CLPP: variants seen among roughly 807,000 people sequenced by gnomAD.
CLPP encodes the protein caseinolytic mitochondrial matrix peptidase proteolytic subunit.
A neutral mutation model predicts 27.4 loss-of-function variants in CLPP; 14 were observed. The ratio of observed to expected loss-of-function variants is 0.51; its 90% CI spans 0.34 to 0.80. CLPP has a LOEUF of 0.80. Among genes scored for constraint, CLPP ranks in the 30% least tolerant of loss-of-function variants. CLPP has a pLI of 0.02. For missense variants in CLPP, 361 were observed against 403.6 expected (o/e 0.89, Z 0.90); for synonymous variants, 193 against 166.6 (o/e 1.16, Z -1.22).
Position 6,366,275 on chromosome 19 carries a change from T to C in CLPP, c.573T>C (p.Ile191=), listed in dbSNP as rs2091862012. The C allele has an allele frequency of 7.4e-6, 12 of 1,611,828 alleles. No homozygotes were observed. The highest frequency in any genetic ancestry group is 1.7e-4 in the Middle Eastern group (1 of 6,058). ...SGGARGQATD[I]AIQAEEIMKL... ...TCCCTCAGGGCCAAGCCACAGACAT[T>C]GCCATCCAGGCAGAGGAGATCATGA... is the stretch of plus-strand genomic sequence containing the variant. Residue 191 remains isoleucine (I), a synonymous_variant, in exon 5 of 6, where the codon ATT becomes ATC. Coordinates refer to ENST00000245816, the MANE Select transcript of CLPP (RefSeq NM_006012.4).
At chr19:6,362,642 A>G (rs1240828494) in intron 3 of CLPP, 100 bp downstream of exon 3, 4 of 847,304 alleles carry the variant, frequency 4.7e-6, no homozygotes, top group Non-Finnish European at 7.9e-6. Context: ...TCTCTGGGAA[A>G]GGGTGCAGAG....
intron 5 of CLPP, among the ~76,000 whole-genome samples, chr19:6,367,597 C>A (rs188969341): frequency 6.6e-6 from 1 of 151,930 alleles, no homozygotes; most frequent in Non-Finnish European, 1.5e-5. Flanking sequence ...TTCAGGGGTG[C>A]TGGCATTATT....
In CLPP at chr19:6,361,607, G is replaced by A; in HGVS notation, c.33G>A (p.Arg11=). Residue 11 remains arginine (R), a synonymous_variant, in exon 1 of 6, where the codon CGG becomes CGA. Coordinates refer to ENST00000245816, the MANE Select transcript of CLPP (RefSeq NM_006012.4). ...CCGGAATATTGGTAGGGGGGGCCCG[G>A]GTGGCGTCATGCAGGTACCCCGCGC... MWPGILVGGA[R]VASCRYPALG... The A allele has an allele frequency of 2.1e-6, 3 of 1,414,614 alleles. No individual in the cohort carries two copies. Among genetic ancestry groups the A allele is most frequent in the Non-Finnish European group, 2.8e-6 (3 of 1,083,446 alleles). The allele number at this position is 1,414,614 out of a possible 1,614,324, so 87.6% of individuals were successfully genotyped here.
Position 6,364,504 on chromosome 19 carries a change from C to A in CLPP, c.420C>A (p.Leu140=). ...LAIYDTMQYI[L]NPICTWCVGQ... ...TCTACGACACGATGCAGTACATCCT[C>A]AACCCGATCTGCACCTGGTGCGTGG... Residue 140 remains leucine, a synonymous_variant, in exon 4 of 6, where the codon CTC becomes CTA. Coordinates refer to ENST00000245816, the MANE Select transcript of CLPP (RefSeq NM_006012.4). The A allele has an allele frequency of 6.2e-7, 1 of 1,611,956 alleles. No homozygotes were observed. Among genetic ancestry groups the A allele is most frequent in the Non-Finnish European group, 8.5e-7 (1 of 1,179,634 alleles).
At chr19:6,366,060 C>G (rs1210509237) in intron 4 of CLPP, among the ~76,000 whole-genome samples, 198 bp from the exon 5 acceptor site, 3 of 152,120 alleles carry the variant, frequency 2.0e-5, no homozygotes, top group Non-Finnish European at 4.4e-5. Context: ...ATAACATATA[C>G]TTAATCCAGT....
At chr19:6,362,066 C>G in intron 2 of CLPP, 126 bp downstream of exon 2, 2 of 844,616 alleles carry the variant, frequency 2.4e-6, no homozygotes, top group Non-Finnish European at 3.7e-6. Context: ...CCCCTTCCCT[C>G]CCCTTCTGAC....
rs2091837683 is a variant in CLPP at position 6,362,069 on chromosome 19, C to T, written c.270+129C>T. ...TCCCCTTCTAACCCCCTTCCCTCCC[C>T]TTCTGACTCCCCTCCTGGCTCCCGG... is the stretch of plus-strand genomic sequence containing the variant. On this transcript the variant is annotated intron_variant, in intron 2 of 5. Transcript: ENST00000245816. The T allele has an allele frequency of 2.0e-5, 17 of 832,142 alleles. No homozygotes were observed. In the South Asian group the frequency reaches 2.6e-4, roughly 13 times the overall value. The allele number at this position is 832,142 out of a possible 1,614,324, so 51.5% of individuals were successfully genotyped here. A position where few individuals can be genotyped will look rare whatever the true frequency, so the allele number is the denominator to read the frequency against.
Position 6,361,603 on chromosome 19 carries a change from C to T in CLPP, c.29C>T (p.Ala10Val). Residue 10 changes from alanine (A) to valine (V), a missense_variant, in exon 1 of 6, where the codon GCC becomes GTC. Ala to Val is a moderately conservative substitution (Grantham distance 64). Transcript: ENST00000245816. MWPGILVGG[A>V]RVASCRYPAL... ...TGGCCCGGAATATTGGTAGGGGGGGCCCGGGTGGCGTCATGCAGGTACCCC... is the reference window on the plus strand; with the variant it reads ...TGGCCCGGAATATTGGTAGGGGGGGTCCGGGTGGCGTCATGCAGGTACCCC... 7.1e-7 allele frequency: 1 copy of T among 1,411,700 alleles called. No homozygotes were observed. The highest frequency in any genetic ancestry group is 9.2e-7 in the Non-Finnish European group (1 of 1,081,644). 87.4% of individuals were successfully genotyped at this position (1,411,700 alleles called of 1,614,324 possible).
rs1452632219 is a variant in CLPP at position 6,366,317 on chromosome 19, CTA to C, written c.618_619del (p.Tyr206Ter). The stretch of plus-strand genomic sequence containing the variant: ...AGATCATGAAGCTCAAGAAGCAGCT[CTA>C]TAACATCTACGCCAAGCACACCAAA... ...EEIMKLKKQL[Y>X]NIYAKHTKQS... On this transcript the variant is annotated frameshift_variant, in exon 5 of 6. Transcript: ENST00000245816. LOFTEE classifies it high-confidence loss of function. 1 of 1,612,664 alleles carries C rather than the reference CTA, an allele frequency of 6.2e-7. No individual in the cohort carries two copies. Among genetic ancestry groups the C allele is most frequent in the Non-Finnish European group, 8.5e-7 (1 of 1,179,398 alleles).
At chr19:6,366,169 G>A in intron 4 of CLPP, 89 bp from the exon 5 acceptor site, 1 of 803,156 alleles carries the variant, frequency 1.2e-6, no homozygotes, top group Non-Finnish European at 2.1e-6. Context: ...AAAGCCCAGG[G>A]AAGCTCCTGA....
chr19:6,368,635 G>A lies in CLPP; in HGVS notation c.759G>A (p.Glu253=). ...KVLVHPPQDG[E]DEPTLVQKEP... Reference sequence around the variant, plus strand: ...TGGTCCACCCTCCCCAGGACGGTGAGGATGAGCCCACGCTGGTGCAGAAGG... The same window carrying A: ...TGGTCCACCCTCCCCAGGACGGTGAAGATGAGCCCACGCTGGTGCAGAAGG... The change falls in exon 6 of 6, where the codon GAG becomes GAA. Residue 253 remains glutamate (E), a synonymous_variant. Coordinates refer to ENST00000245816, the MANE Select transcript of CLPP (RefSeq NM_006012.4). 6.2e-7 allele frequency: 1 copy of A among 1,610,088 alleles called. No homozygotes were observed. Among genetic ancestry groups the A allele is most frequent in the South Asian group, 1.1e-5 (1 of 90,326 alleles).
chr19:6,364,179 C>T (rs983532719), intron 3 of CLPP, among the ~76,000 whole-genome samples: 4 of 151,624 alleles, frequency 2.6e-5, no homozygotes, highest in African/African-American at 7.3e-5. Context: ...TACAGGCACC[C>T]GCCACCACGC....
At chr19:6,362,253 C>G (rs1040176694) in intron 2 of CLPP, 193 bp from the exon 3 acceptor site, 15 of 604,656 alleles carry the variant, frequency 2.5e-5, no homozygotes, top group Admixed American at 2.3e-4. Context: ...TGACTCCCCC[C>G]TTCCTGTGCT....
chr19:6,368,839 C>T lies in CLPP; in HGVS notation c.*129C>T, dbSNP rs942671344. On this transcript the variant is annotated 3_prime_UTR_variant, in exon 6 of 6. Coordinates refer to ENST00000245816, the MANE Select transcript of CLPP (RefSeq NM_006012.4). Reference sequence around the variant, plus strand: ...GAGGAACTTTTAATTTGCAGGGGTGCCCGCTATGGACGGGGCATTCCAGCT... The same window carrying T: ...GAGGAACTTTTAATTTGCAGGGGTGTCCGCTATGGACGGGGCATTCCAGCT... 2.6e-6 allele frequency: 2 copies of T among 766,832 alleles called. No individual in the cohort carries two copies. The highest frequency in any genetic ancestry group is 4.1e-6 in the Non-Finnish European group (2 of 486,534). The allele number at this position is 766,832 out of a possible 1,614,324, so 47.5% of individuals were successfully genotyped here. A position where few individuals can be genotyped will look rare whatever the true frequency, so the allele number is the denominator to read the frequency against.
At position 6,368,902 on chromosome 19, in the gene CLPP, T is replaced by C; in HGVS notation, c.*192T>C. On this transcript the variant is annotated 3_prime_UTR_variant, in exon 6 of 6. Coordinates refer to ENST00000245816, the MANE Select transcript of CLPP (RefSeq NM_006012.4). ...TTTTAAATTAAATCTTTGTGGTCTTTGCTCTGCGTCTGGGACACCCTCCCT... is the reference window on the plus strand; with the variant it reads ...TTTTAAATTAAATCTTTGTGGTCTTCGCTCTGCGTCTGGGACACCCTCCCT... The C allele has an allele frequency of 1.7e-6, 1 of 601,154 alleles. No individual in the cohort carries two copies. The highest frequency in any genetic ancestry group is 2.9e-6 in the Non-Finnish European group (1 of 340,940). 37.2% of individuals were successfully genotyped at this position (601,154 alleles called of 1,614,324 possible). A position where few individuals can be genotyped will look rare whatever the true frequency, so the allele number is the denominator to read the frequency against.
rs538660042 is a variant in CLPP, at chr19:6,369,641, G to A, written c.*931G>A. Reference sequence around the variant, plus strand: ...CATGTGAGGACCTATGAGGAGGCCCGTGGCTGAGGGAAGGTGGAAGAGAGG... The same window carrying A: ...CATGTGAGGACCTATGAGGAGGCCCATGGCTGAGGGAAGGTGGAAGAGAGG... On this transcript the variant is annotated 3_prime_UTR_variant, in exon 6 of 6. Coordinates refer to ENST00000245816, the MANE Select transcript of CLPP (RefSeq NM_006012.4). Among the ~76,000 whole-genome samples the A allele has an allele frequency of 2.6e-5, 4 of 152,170 alleles. No homozygotes were observed. The highest frequency in any genetic ancestry group is 2.1e-4 in the South Asian group (1 of 4,822).
chr19:6,362,332 C>T (rs1215408994), intron 2 of CLPP, 114 bp from the exon 3 acceptor site: 4 of 722,370 alleles, frequency 5.5e-6, no homozygotes, highest in Admixed American at 4.3e-5. Flanking sequence ...CTTCCCCATC[C>T]CTTTTACTTT....
chr19:6,366,418 C>G, intron 5 of CLPP, 55 bp downstream of exon 5: 2 of 1,396,218 alleles, frequency 1.4e-6, no homozygotes, highest in Non-Finnish European at 2.0e-6. Context: ...CCAGGCGTTG[C>G]TCTAAGCCAG....
intron 3 of CLPP, among the ~76,000 whole-genome samples, chr19:6,364,030 A>G (rs2091849142): frequency 7.4e-6 from 1 of 135,104 alleles, no homozygotes; most frequent in African/African-American, 2.9e-5. Context: ...CCCAGTCTTA[A>G]TTTTTTTTTT....
Sources: allele counts gnomAD v4.1 joint callset (sites outside exome capture counted in the v4.1 genomes callset), GRCh38; gene constraint gnomAD v4.1.1; transcripts MANE v1.5; gene names NCBI Gene and HGNC (gene_info 2026-07-23, HGNC 2026-07-21).